PELI1: variants seen among roughly 807,000 people sequenced by gnomAD.
The protein encoded by PELI1 is pellino E3 ubiquitin protein ligase 1.
Under a neutral mutation model 41.3 loss-of-function variants are expected in PELI1, and 15 were observed. The ratio of observed to expected loss-of-function variants is 0.36; its 90% CI spans 0.24 to 0.56. PELI1 has a LOEUF of 0.56. Ranked by LOEUF, PELI1 falls within the 20% of genes least tolerant of loss-of-function variation. The probability of loss-of-function intolerance (pLI) is 0.82; values close to 1 mark genes in which losing one functional copy is unlikely to be tolerated. For synonymous variants in PELI1, 178 were observed against 180.1 expected, an observed-to-expected ratio of 0.99 and a Z score of 0.09; for missense variants, 403 against 525.5, an observed-to-expected ratio of 0.77 and a Z score of 2.28.
At chr2:64,095,355 A>T in intron 6 of PELI1, 87 bp from the exon 7 acceptor site, 1 of 748,994 alleles carries the variant, frequency 1.3e-6, no homozygotes, top group Non-Finnish European at 2.2e-6. Flanking sequence ...CTCCTTACTC[A>T]AGAAATGAGG....
At chr2:64,124,131 A>T (rs1681311233) in intron 1 of PELI1, among the ~76,000 whole-genome samples, 1 of 152,122 alleles carries the variant, frequency 6.6e-6, no homozygotes, top group Non-Finnish European at 1.5e-5. Flanking sequence ...GTTGCCTGGG[A>T]GGGGAAAGAA....
intron 4 of PELI1, among the ~76,000 whole-genome samples, chr2:64,098,988 C>T (rs911674534): frequency 6.6e-6 from 1 of 152,146 alleles, no homozygotes; most frequent in Non-Finnish European, 1.5e-5. Context: ...ATGGTGAAGA[C>T]ATTGTTTCAG....
chr2:64,100,234 A>G (rs1417663006), intron 4 of PELI1, among the ~76,000 whole-genome samples, 164 bp downstream of exon 4: 9 of 152,194 alleles, frequency 5.9e-5, no homozygotes, highest in African/African-American at 2.2e-4. Context: ...GCCCATCTCA[A>G]CCATGCTAGA....
Position 64,096,580 on chromosome 2 carries a change from A to T in PELI1, c.334T>A (p.Phe112Ile). The T allele has an allele frequency of 2.5e-6, 4 of 1,613,314 alleles. No individual in the cohort carries two copies. Among genetic ancestry groups the T allele is most frequent in the Non-Finnish European group, 3.4e-6 (4 of 1,179,308 alleles). The change falls in exon 5 of 7, where the codon TTT becomes ATT. Residue 112 changes from phenylalanine to isoleucine, a missense_variant. Phe to Ile is a conservative substitution (Grantham distance 21). Coordinates refer to ENST00000358912, the MANE Select transcript of PELI1 (RefSeq NM_020651.4). ...CCAGGAACCGTGTCAGTTACTACAA[A>T]ATCAATGGGGCTTTCAGTCGACCGG... ...IGRSTESPID[F>I]VVTDTVPGSQ... is the part of the protein sequence containing the mutation.
chr2:64,115,456 T>G (rs1325879980), intron 1 of PELI1, among the ~76,000 whole-genome samples: 1 of 152,176 alleles, frequency 6.6e-6, no homozygotes, highest in African/African-American at 2.4e-5. Flanking sequence ...CGTAAGATTA[T>G]TTTATTTGAC....
chr2:64,120,912 A>G (rs1681186865), intron 1 of PELI1, among the ~76,000 whole-genome samples: 1 of 152,210 alleles, frequency 6.6e-6, no homozygotes, highest in Non-Finnish European at 1.5e-5. Context: ...AGAGAACATC[A>G]CTATAATAGT....
intron 1 of PELI1, among the ~76,000 whole-genome samples, chr2:64,118,484 G>C (rs1392912858): frequency 6.6e-6 from 1 of 151,866 alleles, no homozygotes; most frequent in African/African-American, 2.4e-5. Flanking sequence ...ATTTCCTATA[G>C]AAAGAAAAAA....
chr2:64,109,236 G>C (rs1268157326), intron 1 of PELI1, among the ~76,000 whole-genome samples: 1 of 152,174 alleles, frequency 6.6e-6, no homozygotes, highest in East Asian at 1.9e-4. Context: ...TGGCAGTAAT[G>C]AGGCACCCCC....
At chr2:64,138,579 CT>C (rs1297446364) in intron 1 of PELI1, among the ~76,000 whole-genome samples, 1 of 151,740 alleles carries the variant, frequency 6.6e-6, no homozygotes, top group Admixed American at 6.6e-5. Context: ...ATACAAAACT[CT>C]ACTGGGCGTG....
At chr2:64,108,578 C>G (rs1256312656) in intron 1 of PELI1, among the ~76,000 whole-genome samples, 199 bp from the exon 2 acceptor site, 1 of 152,176 alleles carries the variant, frequency 6.6e-6, no homozygotes, top group Non-Finnish European at 1.5e-5. Flanking sequence ...AATTTGAAGA[C>G]TTCCACTTAC....
In PELI1 at chr2:64,097,295, A is replaced by C. The variant is rs1311034855; in HGVS notation, c.304-685T>G. On this transcript the variant is annotated intron_variant, in intron 4 of 6. Transcript: ENST00000358912. ...CTCTTACTCTGTTATGGGTTGAGAA[A>C]TCAAATAACCTATTTCAGAGAAAAG... 2.0e-5 allele frequency among the ~76,000 whole-genome samples: 3 copies of C among 152,254 alleles called. No individual in the cohort carries two copies. The East Asian group carries it at 5.8e-4, about 29-fold the overall frequency.
chr2:64,096,078 CTA>C, intron 6 of PELI1, 45 bp downstream of exon 6: 2 of 1,300,524 alleles, frequency 1.5e-6, no homozygotes, highest in Non-Finnish European at 2.2e-6. Flanking sequence ...TCTACTCATC[CTA>C]TGTGTTTATT....
chr2:64,129,148 T>C lies in PELI1; in HGVS notation c.-70+14933A>G, dbSNP rs368142599. On this transcript the variant is annotated intron_variant, in intron 1 of 6. Transcript: ENST00000358912. ...TTGGTATCAATAAAAAGCAATCTTA[T>C]AATAAAGGTTTATTTTGTTTTGAAA... 9.2e-5 allele frequency among the ~76,000 whole-genome samples: 14 copies of C among 152,310 alleles called. No individual in the cohort carries two copies. In the South Asian group the frequency reaches 2.9e-3, roughly 32 times the overall value.
At chr2:64,134,041 T>C (rs926074855) in intron 1 of PELI1, among the ~76,000 whole-genome samples, 3 of 152,086 alleles carry the variant, frequency 2.0e-5, no homozygotes, top group Non-Finnish European at 4.4e-5. Flanking sequence ...TCAGGGTACC[T>C]AGATGGTATG....
intron 1 of PELI1, among the ~76,000 whole-genome samples, chr2:64,119,716 G>A (rs773719564): frequency 2.6e-5 from 4 of 152,184 alleles, no homozygotes; most frequent in Non-Finnish European, 5.9e-5. Flanking sequence ...TTAATATCAA[G>A]TTATAGAGTA....
chr2:64,092,689 G>A lies in PELI1; in HGVS notation c.*2013C>T, dbSNP rs1339614929. ...TAACAAAGTTCCTTTATTAGTAAGAGATGCTTTTAAAAAAGAACCAGATAC... is the reference window on the plus strand; with the variant it reads ...TAACAAAGTTCCTTTATTAGTAAGAAATGCTTTTAAAAAAGAACCAGATAC... On this transcript the variant is annotated 3_prime_UTR_variant, in exon 7 of 7. Transcript: ENST00000358912. The A allele has an allele frequency of 6.6e-6, 1 of 152,242 alleles. No individual in the cohort carries two copies. The highest frequency in any genetic ancestry group is 2.4e-5 in the African/African-American group (1 of 41,534). The allele number at this position is 152,242 out of a possible 1,614,324, so 9.4% of individuals were successfully genotyped here.
intron 1 of PELI1, among the ~76,000 whole-genome samples, chr2:64,136,518 A>T (rs1681721896): frequency 6.6e-6 from 1 of 152,262 alleles, no homozygotes; most frequent in Admixed American, 6.5e-5. Context: ...ACACAGTTAT[A>T]TACTTATATT....
At chr2:64,109,242 C>T (rs1680724941) in intron 1 of PELI1, among the ~76,000 whole-genome samples, 1 of 152,184 alleles carries the variant, frequency 6.6e-6, no homozygotes, top group African/African-American at 2.4e-5. Context: ...TAATGAGGCA[C>T]CCCCTATGAC....
chr2:64,103,615 C>G (rs751163137), intron 3 of PELI1, among the ~76,000 whole-genome samples: 2 of 152,222 alleles, frequency 1.3e-5, no homozygotes, highest in African/African-American at 2.4e-5. Flanking sequence ...TCTGCACCAA[C>G]TGGCTCCCAA....
Sources: allele counts gnomAD v4.1 joint callset (sites outside exome capture counted in the v4.1 genomes callset), GRCh38; gene constraint gnomAD v4.1.1; transcripts MANE v1.5; gene names NCBI Gene and HGNC (gene_info 2026-07-23, HGNC 2026-07-21).